The following FARP1 variants were observed in gnomAD, a reference collection of about 807,000 sequenced individuals.
The protein encoded by FARP1 is FERM, ARH/RhoGEF and pleckstrin domain protein 1.
FARP1 carries 52 observed loss-of-function variants against 128.8 expected under a neutral mutation model. The ratio of observed to expected loss-of-function variants is 0.40; its 90% confidence interval spans 0.32 to 0.51. The LOEUF (loss-of-function observed/expected upper bound fraction) is 0.51. Among genes scored for constraint, FARP1 ranks in the 20% least tolerant of loss-of-function variants. The pLI, the probability that FARP1 is intolerant of heterozygous loss-of-function variation, is 0.45. For missense variants in FARP1, 1,333 were observed against 1,367.9 expected (o/e 0.97, Z 0.40); for synonymous variants, 580 against 551.8 (o/e 1.05, Z -0.72).
intron 2 of FARP1, among the ~76,000 whole-genome samples, chr13:98,269,762 G>T (rs750140362): frequency 6.6e-6 from 1 of 152,154 alleles, no homozygotes; most frequent in Non-Finnish European, 1.5e-5. Flanking sequence ...GTGAGTGGTC[G>T]GGGGGTGTCA....
chr13:98,238,329 T>C (rs1289203926), intron 2 of FARP1, among the ~76,000 whole-genome samples: 3 of 152,232 alleles, frequency 2.0e-5, no homozygotes, highest in Admixed American at 6.5e-5. Flanking sequence ...CTTATGATGA[T>C]CCACTTCCAC....
At chr13:98,350,670 T>C (rs1312435423) in intron 3 of FARP1, among the ~76,000 whole-genome samples, 1 of 152,146 alleles carries the variant, frequency 6.6e-6, no homozygotes, top group Non-Finnish European at 1.5e-5. Flanking sequence ...CGTGAGCACC[T>C]GGCAACCCCT....
intron 2 of FARP1, among the ~76,000 whole-genome samples, chr13:98,282,690 G>C (rs1050634070): frequency 6.6e-6 from 1 of 152,118 alleles, no homozygotes; most frequent in Admixed American, 6.5e-5. Flanking sequence ...GGATCACAAA[G>C]TCAAAAGATC....
intron 2 of FARP1, chr13:98,233,616 A>G (rs911781497): frequency 3.9e-5 from 6 of 152,240 alleles, no homozygotes; most frequent in Non-Finnish European, 8.8e-5. Flanking sequence ...GCTTCTATGC[A>G]TGTGAAGAAA....
chr13:98,217,831 G>A (rs529216691), intron 2 of FARP1, among the ~76,000 whole-genome samples: 63 of 152,284 alleles, frequency 4.1e-4, no homozygotes, highest in Non-Finnish European at 7.2e-4. Flanking sequence ...ATCCTACGCC[G>A]CAGCGGTGCC....
intron 3 of FARP1, among the ~76,000 whole-genome samples, chr13:98,352,920 C>T (rs1394440881): frequency 1.3e-5 from 2 of 152,090 alleles, no homozygotes; most frequent in African/African-American, 4.8e-5. Context: ...CTACAAGTAA[C>T]CTCCATGCAG....
At chr13:98,436,823 T>C (rs559428026) in intron 19 of FARP1, among the ~76,000 whole-genome samples, 159 of 152,370 alleles carry the variant, frequency 1.0e-3, no homozygotes, top group African/African-American at 3.8e-3. Flanking sequence ...AGAAAAGCCC[T>C]GTGGAATCGA....
chr13:98,420,937 C>T (rs1184020814), intron 16 of FARP1, among the ~76,000 whole-genome samples: 1 of 152,204 alleles, frequency 6.6e-6, no homozygotes. Context: ...TGGATTTTGT[C>T]CCCGGTCCCT....
intron 2 of FARP1, among the ~76,000 whole-genome samples, chr13:98,303,556 A>G (rs1004322275): frequency 3.3e-5 from 5 of 152,170 alleles, no homozygotes; most frequent in African/African-American, 1.2e-4. Flanking sequence ...AAGAGTTGGA[A>G]CTTGTAAATT....
rs992763927 is a variant in FARP1, at chr13:98,424,731, A to G, written c.1905+81A>G. ...CTGCCATGGGCATAGGCTGTAAGCCATTTCCATCAGCATGCATCACCTGAT... is the reference window on the plus strand; with the variant it reads ...CTGCCATGGGCATAGGCTGTAAGCCGTTTCCATCAGCATGCATCACCTGAT... On this transcript the variant is annotated intron_variant, in intron 17 of 26. Transcript: ENST00000319562. 7.3e-6 allele frequency: 7 copies of G among 954,836 alleles called. No individual in the cohort carries two copies. The African/African-American group carries it at 9.6e-5, about 13-fold the overall frequency. 59.1% of individuals were successfully genotyped at this position (954,836 alleles called of 1,614,324 possible). A position where few individuals can be genotyped will look rare whatever the true frequency, so the allele number is the denominator to read the frequency against.
At chr13:98,408,779 G>C (rs1017555080) in intron 13 of FARP1, among the ~76,000 whole-genome samples, 1 of 152,180 alleles carries the variant, frequency 6.6e-6, no homozygotes, top group Non-Finnish European at 1.5e-5. Context: ...TAGTGTTTCT[G>C]TCCCAAACAG....
At position 98,380,852 on chromosome 13, in the gene FARP1, T is replaced by G. The variant is rs1889866389; in HGVS notation, c.496+2934T>G. ...CCTTGGCCTCACAAAGTGCTGGGATTATAGGCATGAGCCACCATGCCTGAC... is the reference window on the plus strand; with the variant it reads ...CCTTGGCCTCACAAAGTGCTGGGATGATAGGCATGAGCCACCATGCCTGAC... On this transcript the variant is annotated intron_variant, in intron 6 of 26. Coordinates refer to ENST00000319562, the MANE Select transcript of FARP1 (RefSeq NM_005766.4). Among the ~76,000 whole-genome samples the G allele has an allele frequency of 2.0e-5, 3 of 152,192 alleles. No homozygotes were observed. In the South Asian group the frequency reaches 6.2e-4, roughly 32 times the overall value.
At chr13:98,374,415 ACT>A (rs1010157818) in intron 5 of FARP1, among the ~76,000 whole-genome samples, 18 of 151,998 alleles carry the variant, frequency 1.2e-4, no homozygotes, top group African/African-American at 3.6e-4. Flanking sequence ...ACAGAGCAAG[ACT>A]CTGTCTCAAT....
At chr13:98,212,942 T>C (rs529790258) in intron 1 of FARP1, among the ~76,000 whole-genome samples, 1 of 152,324 alleles carries the variant, frequency 6.6e-6, no homozygotes, top group South Asian at 2.1e-4. Flanking sequence ...GCCTAGCTCA[T>C]TGTAGACACT....
At chr13:98,331,823 GC>G (rs1196609169) in intron 2 of FARP1, 1 of 152,160 alleles carries the variant, frequency 6.6e-6, no homozygotes, top group African/African-American at 2.4e-5. Flanking sequence ...GACGTGATGA[GC>G]CTAGAACCCC....
chr13:98,373,533 G>GCCAGACACACACACAC (rs1555341450), intron 5 of FARP1, among the ~76,000 whole-genome samples: 1 of 130,984 alleles, frequency 7.6e-6, no homozygotes, highest in African/African-American at 3.0e-5. Context: ...CAGACAGACA[G>GCCAGACACACACACAC]ACACACACAC....
At chr13:98,151,660 C>CTTTTTTTTTTCTTTTTTTTTTTT (rs1876011313) in intron 1 of FARP1, among the ~76,000 whole-genome samples, 1 of 69,224 alleles carries the variant, frequency 1.4e-5, no homozygotes, top group Non-Finnish European at 2.8e-5. Flanking sequence ...TATCTTCCAT[C>CTTTTTTTTTTCTTTTTTTTTTTT]TTTTTTTTTT....
chr13:98,453,229 G>C lies in FARP1; in HGVS notation c.*4912G>C, dbSNP rs901108495. 1 of 1,611,036 alleles carries C rather than the reference G, an allele frequency of 6.2e-7. No homozygotes were observed. The highest frequency in any genetic ancestry group is 1.3e-5 in the African/African-American group (1 of 74,896). On this transcript the variant is annotated 3_prime_UTR_variant, in exon 27 of 27. Transcript: ENST00000319562. ...GAGTATCTAGGGAAAAAGAGAGAGA[G>C]AGAAGTCAACACATGTCATTTCTCA...
At chr13:98,377,304 AAAAAAAAAAAG>A (rs1889629741) in intron 5 of FARP1, among the ~76,000 whole-genome samples, 1 of 151,604 alleles carries the variant, frequency 6.6e-6, no homozygotes, top group South Asian at 2.1e-4. Context: ...TTGTCTCAAA[AAAAAAAAAAAG>A]AAAAGAAAAT....
Sources: gnomAD v4.1 joint callset for allele counts (sites outside exome capture counted in the v4.1 genomes callset) on GRCh38, gnomAD v4.1.1 for gene constraint, MANE v1.5 for transcripts, NCBI Gene and HGNC (gene_info 2026-07-23, HGNC 2026-07-21) for gene names.